Variants in ATP11B observed in about 807,000 individuals in gnomAD.
ATP11B encodes the protein ATPase phospholipid transporting 11B (putative).
A neutral mutation model predicts 157.8 loss-of-function variants in ATP11B; 81 were observed. The observed-to-expected ratio is 0.51, with a 90% CI of 0.43 to 0.62. The LOEUF is 0.62. Among genes scored for constraint, ATP11B ranks in the 20% least tolerant of loss-of-function variants. The probability of loss-of-function intolerance (pLI) is 0.00; values close to 1 mark genes in which losing one functional copy is unlikely to be tolerated. For synonymous variants in ATP11B, 451 were observed against 469.4 expected, an observed-to-expected ratio of 0.96 and a Z score of 0.51; for missense variants, 1,165 against 1,402.2, an observed-to-expected ratio of 0.83 and a Z score of 2.70.
intron 7 of ATP11B, among the ~76,000 whole-genome samples, chr3:182,841,468 G>C (rs1399208142): frequency 1.3e-5 from 2 of 152,060 alleles, no homozygotes; most frequent in Admixed American, 1.3e-4. Flanking sequence ...TGAATTACAG[G>C]TTGAATATCC....
chr3:182,877,533 T>C (rs1309765541), intron 19 of ATP11B, among the ~76,000 whole-genome samples: 2 of 152,082 alleles, frequency 1.3e-5, no homozygotes, highest in African/African-American at 4.8e-5. Context: ...TCCCAGCGTC[T>C]TGGGAGGCTG....
At chr3:182,877,239 G>T (rs1346161348) in intron 19 of ATP11B, among the ~76,000 whole-genome samples, 1 of 152,212 alleles carries the variant, frequency 6.6e-6, no homozygotes, top group Non-Finnish European at 1.5e-5. Context: ...GCCTAGACCA[G>T]GGGTACCAGG....
At chr3:182,884,043 A>G (rs1220455073) in intron 21 of ATP11B, among the ~76,000 whole-genome samples, 1 of 151,630 alleles carries the variant, frequency 6.6e-6, no homozygotes, top group South Asian at 2.1e-4. Flanking sequence ...TCGCTTATAC[A>G]TTTTGGAACA....
At chr3:182,824,954 C>A (rs756100139) in intron 2 of ATP11B, among the ~76,000 whole-genome samples, 1 of 152,302 alleles carries the variant, frequency 6.6e-6, no homozygotes. Flanking sequence ...GAATTCATAT[C>A]TTTGACCATA....
intron 1 of ATP11B, among the ~76,000 whole-genome samples, chr3:182,807,089 C>T (rs989604000): frequency 1.3e-5 from 2 of 151,694 alleles, no homozygotes; most frequent in Non-Finnish European, 2.9e-5. Flanking sequence ...GTAAAGGGAA[C>T]AGTTCAAAAT....
chr3:182,854,114 G>T (rs993880497), intron 10 of ATP11B, among the ~76,000 whole-genome samples: 7 of 152,180 alleles, frequency 4.6e-5, no homozygotes, highest in Non-Finnish European at 7.4e-5. Context: ...TCTGCCTTAT[G>T]CTGTACTCCA....
intron 29 of ATP11B, chr3:182,917,597 T>C (rs1170636059): frequency 2.0e-6 from 2 of 985,336 alleles, no homozygotes; most frequent in East Asian, 1.1e-4. Context: ...AATGAAATGA[T>C]CAATAATAGG....
chr3:182,883,783 G>A lies in ATP11B; in HGVS notation c.2510-970G>A, dbSNP rs1169859622. On this transcript the variant is annotated intron_variant, in intron 21 of 29. Coordinates refer to ENST00000323116, the MANE Select transcript of ATP11B (RefSeq NM_014616.3). ...ATCCCGGCTAAAACGGTGAAACCCC[G>A]TCTCTACTAAAAATACAAAAAATTA... Among the ~76,000 whole-genome samples, 6 of 149,938 alleles carry A rather than the reference G, an allele frequency of 4.0e-5. No individual in the cohort carries two copies. The South Asian group carries it at 6.4e-4, about 16-fold the overall frequency.
chr3:182,869,202 T>G (rs762326382), intron 16 of ATP11B, 26 bp from the exon 17 acceptor site: 1 of 1,596,728 alleles, frequency 6.3e-7, no homozygotes, highest in South Asian at 1.1e-5. Flanking sequence ...ATTAAGAGTC[T>G]GATAACTCAT....
intron 19 of ATP11B, among the ~76,000 whole-genome samples, chr3:182,877,989 G>T (rs977338837): frequency 1.1e-4 from 16 of 152,162 alleles, no homozygotes; most frequent in Non-Finnish European, 1.9e-4. Flanking sequence ...CATTTCTGAG[G>T]CCTGTTCCTC....
chr3:182,870,430 G>A (rs1577054163), intron 17 of ATP11B, among the ~76,000 whole-genome samples: 1 of 151,914 alleles, frequency 6.6e-6, no homozygotes, highest in South Asian at 2.1e-4. Flanking sequence ...CCCATTATTT[G>A]TTTCCTAATT....
chr3:182,895,037 C>T (rs529829322), intron 25 of ATP11B, among the ~76,000 whole-genome samples: 282 of 147,182 alleles, frequency 1.9e-3, no homozygotes, highest in Non-Finnish European at 2.7e-3. Context: ...TGCTTGAGCC[C>T]GGGAGGTGGA....
At position 182,918,039 on chromosome 3, in the gene ATP11B, G is replaced by T; in HGVS notation, c.3469G>T (p.Asp1157Tyr). The change falls in exon 30 of 30, where the codon GAT becomes TAT. Residue 1157 changes from aspartate to tyrosine, a missense_variant. This residue lies in a region of ATP11B where 303 missense variants were observed against 296.3 expected (regional missense o/e 1.02). Transcript: ENST00000323116. Reference sequence around the variant, plus strand: ...TTACTTTAGATCATGGAGTGCATCGGATCCTTTCTATACCAACGACAGGAG... The same window carrying T: ...TTACTTTAGATCATGGAGTGCATCGTATCCTTTCTATACCAACGACAGGAG... ...THISRSWSAS[D>Y]PFYTNDRSIL... The T allele has an allele frequency of 6.2e-7, 1 of 1,613,132 alleles. No homozygotes were observed.
At chr3:182,848,933 G>A (rs1719750984) in intron 10 of ATP11B, among the ~76,000 whole-genome samples, 1 of 152,184 alleles carries the variant, frequency 6.6e-6, no homozygotes, top group African/African-American at 2.4e-5. Context: ...TAGCAGCAAG[G>A]GGGAAAATTT....
In ATP11B at chr3:182,836,370, A is replaced by T. The variant is rs1407455642; in HGVS notation, c.452A>T (p.Asp151Val). Residue 151 changes from aspartate to valine, a missense_variant, in exon 6 of 30, where the codon GAT becomes GTT. Coordinates refer to ENST00000323116, the MANE Select transcript of ATP11B (RefSeq NM_014616.3). ...RVGDIVRIAK[D>V]EIFPADLVLL... The stretch of plus-strand genomic sequence containing the variant: ...GGTGATATTGTTCGAATAGCCAAAG[A>T]TGAAATTTTTCCTGCAGACTTGGTG... The T allele has an allele frequency of 1.2e-6, 2 of 1,613,790 alleles. No individual in the cohort carries two copies. Among genetic ancestry groups the T allele is most frequent in the Non-Finnish European group, 1.7e-6 (2 of 1,179,838 alleles).
Position 182,829,713 on chromosome 3 carries a change from T to A in ATP11B, c.276T>A (p.Leu92=). The A allele has an allele frequency of 1.2e-6, 2 of 1,609,254 alleles. No homozygotes were observed. The highest frequency in any genetic ancestry group is 4.5e-5 in the East Asian group (2 of 44,738). ...CTACCAGTCCAGTTACCAGTGGACTTCCATTATTCTTTGTGATAACAGTAA... is the reference window on the plus strand; with the variant it reads ...CTACCAGTCCAGTTACCAGTGGACTACCATTATTCTTTGTGATAACAGTAA... The part of the protein sequence containing the change: ...DTPTSPVTSG[L]PLFFVITVTA... The change falls in exon 4 of 30, where the codon CTT becomes CTA. Residue 92 remains leucine, a synonymous_variant. Coordinates refer to ENST00000323116, the MANE Select transcript of ATP11B (RefSeq NM_014616.3).
intron 1 of ATP11B, among the ~76,000 whole-genome samples, chr3:182,797,040 C>T (rs1715653892): frequency 6.6e-6 from 1 of 152,202 alleles, no homozygotes. Context: ...CTTCCTCACA[C>T]TCACCGAACT....
At chr3:182,807,409 ATTAG>A (rs1332238261) in intron 1 of ATP11B, among the ~76,000 whole-genome samples, 1 of 152,196 alleles carries the variant, frequency 6.6e-6, no homozygotes, top group Non-Finnish European at 1.5e-5. Flanking sequence ...AATATATTTT[ATTAG>A]TTAGGCCTGG....
chr3:182,830,475 T>C lies in ATP11B; in HGVS notation c.315+723T>C, dbSNP rs536236233. On this transcript the variant is annotated intron_variant, in intron 4 of 29. Transcript: ENST00000323116. ...GTTACAGAGAAACAAGGTTATTAGATAAACATATAGAATAAGAAGGAAATT... is the reference window on the plus strand; with the variant it reads ...GTTACAGAGAAACAAGGTTATTAGACAAACATATAGAATAAGAAGGAAATT... 9.8e-5 allele frequency among the ~76,000 whole-genome samples: 15 copies of C among 152,294 alleles called. 1 individual carries two copies. The South Asian group carries it at 3.1e-3, about 32-fold the overall frequency.
Sources: gnomAD v4.1 joint callset for allele counts (sites outside exome capture counted in the v4.1 genomes callset) on GRCh38, gnomAD v4.1.1 for gene constraint, gnomAD v4.1.1 regional missense constraint, MANE v1.5 for transcripts, NCBI Gene and HGNC (gene_info 2026-07-23, HGNC 2026-07-21) for gene names.